Variants in RRP1B observed in about 807,000 individuals in gnomAD.
The protein encoded by RRP1B is ribosomal RNA processing protein 1 homolog B.
RRP1B carries 56 observed loss-of-function variants against 80.2 expected under a neutral mutation model. The ratio of observed to expected loss-of-function variants is 0.70; its 90% CI spans 0.56 to 0.87. The LOEUF is 0.87. Among genes scored for constraint, RRP1B ranks in the 40% least tolerant of loss-of-function variants. The pLI is 0.00. For missense variants in RRP1B, 807 were observed against 939.8 expected (o/e 0.86, Z 1.85); for synonymous variants, 351 against 357.6 (o/e 0.98, Z 0.21).
At chr21:43,678,486 T>A (rs1419431318) in intron 8 of RRP1B, among the ~76,000 whole-genome samples, 1 of 152,220 alleles carries the variant, frequency 6.6e-6, no homozygotes, top group Non-Finnish European at 1.5e-5. Context: ...TTTGATTTTT[T>A]AAATTATGGC....
rs1012835342 is a variant in RRP1B at position 43,686,821 on chromosome 21, C to G, written c.1027C>G (p.Leu343Val). The G allele has an allele frequency of 6.8e-6, 11 of 1,613,952 alleles. No homozygotes were observed. The African/African-American group carries it at 1.3e-4, about 20-fold the overall frequency. ...GCATCTAGGAAGCAGTATATCTCAA[C>G]TCAGTTTTGCGGAGGACATTTCTGC... ...DLSEGSSISQ[L>V]SFAEDISADE... Residue 343 changes from leucine to valine, a missense_variant, in exon 12 of 16, where the codon CTC becomes GTC. Transcript: ENST00000340648.
intron 3 of RRP1B, 84 bp from the exon 4 acceptor site, chr21:43,673,786 G>A (rs2083009708): frequency 2.5e-6 from 2 of 800,546 alleles, no homozygotes; most frequent in South Asian, 1.7e-5. Context: ...AATAATGCTA[G>A]TTTGTTCCTC....
chr21:43,685,749 T>A, intron 10 of RRP1B, 21 bp from the exon 11 acceptor site: 1 of 1,461,556 alleles, frequency 6.8e-7, no homozygotes, highest in Non-Finnish European at 9.1e-7. Flanking sequence ...TATTTTTTAT[T>A]TTTTATTTTT....
At chr21:43,673,805 T>C (rs1278024681) in intron 3 of RRP1B, 65 bp from the exon 4 acceptor site, 2 of 975,062 alleles carry the variant, frequency 2.1e-6, no homozygotes, top group African/African-American at 3.2e-5. Context: ...TCTTCATTAT[T>C]TTCTTGCTAT....
chr21:43,665,828 C>A (rs2082976156), intron 1 of RRP1B, among the ~76,000 whole-genome samples: 1 of 152,214 alleles, frequency 6.6e-6, no homozygotes, highest in Non-Finnish European at 1.5e-5. Flanking sequence ...GATGCTGGAG[C>A]CATGCTTGTA....
Position 43,687,843 on chromosome 21 carries a change from C to T in RRP1B, c.1469C>T (p.Ala490Val). ...PRAHREMLES[A>V]VLPPEDMSQS... ...GCCCACAGGGAAATGTTGGAATCAG[C>T]AGTGTTGCCCCCAGAGGACATGTCT... The change falls in exon 13 of 16, where the codon GCA becomes GTA. Residue 490 changes from alanine to valine, a missense_variant. Physicochemically the swap from Ala to Val is moderately conservative, Grantham distance 64. Transcript: ENST00000340648. 1 of 1,613,330 alleles carries T rather than the reference C, an allele frequency of 6.2e-7. No homozygotes were observed. Among genetic ancestry groups the T allele is most frequent in the Admixed American group, 1.7e-5 (1 of 60,036 alleles).
chr21:43,675,372 C>T (rs1052241587), intron 6 of RRP1B, among the ~76,000 whole-genome samples: 6 of 152,094 alleles, frequency 3.9e-5, no homozygotes, highest in South Asian at 2.1e-4. Context: ...ACCTGTAAAA[C>T]GGAATTGAAA....
chr21:43,660,194 G>A (rs2082945301), intron 1 of RRP1B, among the ~76,000 whole-genome samples: 1 of 152,164 alleles, frequency 6.6e-6, no homozygotes, highest in Non-Finnish European at 1.5e-5. Context: ...TACCCTCGAG[G>A]ATCTATTAGT....
chr21:43,674,612 T>C (rs763099321), intron 4 of RRP1B, 24 bp from the exon 5 acceptor site: 12 of 1,327,496 alleles, frequency 9.0e-6, no homozygotes, highest in Non-Finnish European at 1.0e-5. Context: ...TTTTTTTTTT[T>C]AAACAAAAAT....
Position 43,691,651 on chromosome 21 carries a change from T to C in RRP1B, c.2083+149T>C. ...TCTTTATTTTTATTTTTTTTTTTTT[T>C]TTGAGACAGAGTCTCGCTGCTCTGT... On this transcript the variant is annotated intron_variant, in intron 15 of 15. Coordinates refer to ENST00000340648, the MANE Select transcript of RRP1B (RefSeq NM_015056.3). This position sits in a 1 kb window ranked among gnomAD's most constrained non-coding sequence, Gnocchi z 4.2. 1.6e-6 allele frequency: 1 copy of C among 611,962 alleles called. No homozygotes were observed. Among genetic ancestry groups the C allele is most frequent in the South Asian group, 2.1e-5 (1 of 47,400 alleles). 37.9% of individuals were successfully genotyped at this position (611,962 alleles called of 1,614,324 possible).
chr21:43,693,313 C>T lies in RRP1B; in HGVS notation c.2207C>T (p.Ser736Leu). The T allele has an allele frequency of 5.0e-6, 8 of 1,613,128 alleles. No individual in the cohort carries two copies. The highest frequency in any genetic ancestry group is 6.8e-6 in the Non-Finnish European group (8 of 1,179,538). Reference protein sequence around the residue: ...LKTPTSSPASSPLVAKKPLTT... With the variant: ...LKTPTSSPASLPLVAKKPLTT... ...ACCCCCACCAGCTCACCTGCCAGCT[C>T]ACCCCTGGTGGCCAAGAAGCCCCTG... Residue 736 changes from serine to leucine, a missense_variant, in exon 16 of 16, where the codon TCA (serine) becomes TTA (leucine). Transcript: ENST00000340648. This position sits in a 1 kb window ranked among gnomAD's most constrained non-coding sequence, Gnocchi z 4.1.
Position 43,688,195 on chromosome 21 carries a change from GC to G in RRP1B, c.1822del (p.His608ThrfsTer24). ...KMRVMSNLVE[H>X]NGVLESEAGQ... ...TGAGAGTGATGTCAAACTTGGTGGA[GC>G]ACAACGGGGTGCTGGAGTCCGAAGC... On this transcript the variant is annotated frameshift_variant, in exon 13 of 16. Coordinates refer to ENST00000340648, the MANE Select transcript of RRP1B (RefSeq NM_015056.3). LOFTEE classifies it high-confidence loss of function. The G allele has an allele frequency of 6.3e-7, 1 of 1,575,222 alleles. No individual in the cohort carries two copies. The highest frequency in any genetic ancestry group is 1.2e-5 in the South Asian group (1 of 86,386).
chr21:43,672,610 T>C (rs1601753971), intron 3 of RRP1B, among the ~76,000 whole-genome samples: 1 of 152,344 alleles, frequency 6.6e-6, no homozygotes, highest in East Asian at 1.9e-4. Context: ...AATTCTGAGT[T>C]ACTTTAACAC....
At chr21:43,681,090 A>T (rs1163530156) in intron 8 of RRP1B, among the ~76,000 whole-genome samples, 1 of 151,966 alleles carries the variant, frequency 6.6e-6, no homozygotes, top group Non-Finnish European at 1.5e-5. Flanking sequence ...AAAGTACAAA[A>T]ATTAGCCAGG....
At chr21:43,674,985 G>A (rs1382071721) in intron 5 of RRP1B, 49 bp from the exon 6 acceptor site, 3 of 1,604,814 alleles carry the variant, frequency 1.9e-6, no homozygotes, top group Non-Finnish European at 8.5e-7. Context: ...TGGGAAGTGG[G>A]ACGTGTTGGC....
At position 43,691,592 on chromosome 21, in the gene RRP1B, G is replaced by A; in HGVS notation, c.2083+90G>A. 9.4e-7 allele frequency: 1 copy of A among 1,062,946 alleles called. No individual in the cohort carries two copies. The highest frequency in any genetic ancestry group is 1.4e-6 in the Non-Finnish European group (1 of 689,746). The allele number at this position is 1,062,946 out of a possible 1,614,324, so 65.8% of individuals were successfully genotyped here. A position where few individuals can be genotyped will look rare whatever the true frequency, so the allele number is the denominator to read the frequency against. ...CAGCCTGGTTCCACAAGGCGGTCGGGGAAGAGGGGGGTCCTAGCTCCTCAC... is the reference window on the plus strand; with the variant it reads ...CAGCCTGGTTCCACAAGGCGGTCGGAGAAGAGGGGGGTCCTAGCTCCTCAC... On this transcript the variant is annotated intron_variant, in intron 15 of 15. Transcript: ENST00000340648. The surrounding 1 kb of genome is among the most constrained non-coding windows in gnomAD (Gnocchi z 4.2).
intron 8 of RRP1B, among the ~76,000 whole-genome samples, chr21:43,681,687 C>T (rs1165805675): frequency 2.6e-5 from 4 of 152,228 alleles, no homozygotes; most frequent in African/African-American, 9.6e-5. Flanking sequence ...CACGGTGGCT[C>T]ACACCTGTAA....
chr21:43,687,852 C>G lies in RRP1B; in HGVS notation c.1478C>G (p.Pro493Arg). Residue 493 changes from proline to arginine, a missense_variant, in exon 13 of 16, where the codon CCC becomes CGC. By Grantham distance (103) the Pro-to-Arg change is moderately radical. Coordinates refer to ENST00000340648, the MANE Select transcript of RRP1B (RefSeq NM_015056.3). ...HREMLESAVL[P>R]PEDMSQSGPS... The stretch of plus-strand genomic sequence containing the variant: ...GAAATGTTGGAATCAGCAGTGTTGC[C>G]CCCAGAGGACATGTCTCAGAGTGGC... 6.2e-7 allele frequency: 1 copy of G among 1,613,308 alleles called. No homozygotes were observed. The highest frequency in any genetic ancestry group is 8.5e-7 in the Non-Finnish European group (1 of 1,180,044).
At chr21:43,663,234 A>AT (rs1417378951) in intron 1 of RRP1B, among the ~76,000 whole-genome samples, 1 of 152,096 alleles carries the variant, frequency 6.6e-6, no homozygotes, top group Non-Finnish European at 1.5e-5. Flanking sequence ...ACATGTCTAC[A>AT]TGTCTCACTT....
Sources: allele counts gnomAD v4.1 joint callset (sites outside exome capture counted in the v4.1 genomes callset), GRCh38; gene constraint gnomAD v4.1.1; non-coding constraint Gnocchi (gnomAD v3.1); transcripts MANE v1.5; gene names NCBI Gene and HGNC (gene_info 2026-07-23, HGNC 2026-07-21).